Variants in AP3S2 observed in about 807,000 individuals in gnomAD.
The protein encoded by AP3S2 is AP-3 complex subunit sigma-2.
In AP3S2, 22 loss-of-function variants were observed where a neutral mutation model predicts 23.4. That is an observed-to-expected ratio of 0.94 (90% CI 0.67 to 1.34). AP3S2 has a LOEUF of 1.34. Ranked by LOEUF, AP3S2 falls within the 40% of genes most tolerant of loss-of-function variation. The probability of loss-of-function intolerance (pLI) is 0.00; values close to 1 mark genes in which losing one functional copy is unlikely to be tolerated. For missense variants in AP3S2, 241 were observed against 236.9 expected (o/e 1.02, Z -0.11); for synonymous variants, 86 against 87.1 (o/e 0.99, Z 0.07).
chr15:89,871,040 C>T (rs1346464040), intron 4 of AP3S2, among the ~76,000 whole-genome samples: 2 of 152,202 alleles, frequency 1.3e-5, no homozygotes, highest in Non-Finnish European at 2.9e-5. Flanking sequence ...CTCTTAGTCA[C>T]TATATTACTC....
intron 3 of AP3S2, among the ~76,000 whole-genome samples, chr15:89,874,348 C>T (rs1352328599): frequency 1.3e-5 from 2 of 152,234 alleles, no homozygotes; most frequent in South Asian, 2.1e-4. Context: ...GCTTCCCTAG[C>T]GAAATCTGTC....
intron 4 of AP3S2, among the ~76,000 whole-genome samples, chr15:89,843,217 C>T (rs1895375648): frequency 6.6e-6 from 1 of 151,842 alleles, no homozygotes; most frequent in Non-Finnish European, 1.5e-5. Flanking sequence ...CTCCCAAACT[C>T]AGGTGATCCG....
At chr15:89,877,393 C>T in intron 3 of AP3S2, 1 of 1,291,072 alleles carries the variant, frequency 7.7e-7, no homozygotes, top group Non-Finnish European at 1.0e-6. Context: ...TAGGGTGTTG[C>T]ACTGGCTTTT....
intron 4 of AP3S2, among the ~76,000 whole-genome samples, chr15:89,839,845 ATTC>A (rs770771200): frequency 6.6e-6 from 1 of 151,716 alleles, no homozygotes; most frequent in Non-Finnish European, 1.5e-5. Flanking sequence ...AAGGAAAAGA[ATTC>A]TTTTTTTTTT....
intron 4 of AP3S2, among the ~76,000 whole-genome samples, chr15:89,841,336 G>A (rs892096252): frequency 2.0e-5 from 3 of 152,148 alleles, no homozygotes; most frequent in African/African-American, 4.8e-5. Flanking sequence ...CCCCCAAACA[G>A]GTGAAAAAGC....
chr15:89,880,499 C>T (rs747333564), intron 3 of AP3S2, among the ~76,000 whole-genome samples: 5 of 151,834 alleles, frequency 3.3e-5, no homozygotes, highest in Non-Finnish European at 7.4e-5. Context: ...ATGGTGAAAC[C>T]CCCGACTCTA....
chr15:89,882,704 A>T (rs902193616), intron 3 of AP3S2, among the ~76,000 whole-genome samples: 2 of 152,194 alleles, frequency 1.3e-5, no homozygotes, highest in Non-Finnish European at 2.9e-5. Flanking sequence ...TAGTCACCTT[A>T]CAGAACTCTA....
intron 5 of AP3S2, among the ~76,000 whole-genome samples, chr15:89,837,396 C>T (rs1237652503): frequency 6.6e-6 from 1 of 152,196 alleles, no homozygotes; most frequent in Non-Finnish European, 1.5e-5. Flanking sequence ...TCTATTTGCT[C>T]TTCTACCCTG....
At chr15:89,877,019 A>C (rs1042677940) in intron 3 of AP3S2, 18 of 276,040 alleles carry the variant, frequency 6.5e-5, no homozygotes, top group South Asian at 6.4e-4. Context: ...AAGTCAAGGC[A>C]AGAAAAACTG....
intron 4 of AP3S2, among the ~76,000 whole-genome samples, chr15:89,855,900 C>T (rs564195622): frequency 3.8e-4 from 53 of 138,708 alleles, no homozygotes; most frequent in African/African-American, 1.3e-3. Flanking sequence ...TAAATGTCTG[C>T]ACCAATAATT....
At chr15:89,839,999 C>A (rs1213207458) in intron 4 of AP3S2, among the ~76,000 whole-genome samples, 1 of 152,010 alleles carries the variant, frequency 6.6e-6, no homozygotes, top group Non-Finnish European at 1.5e-5. Context: ...TGTGAGGTAC[C>A]CAGAGTAGTC....
chr15:89,892,953 C>A (rs1446591350), intron 1 of AP3S2: 1 of 152,218 alleles, frequency 6.6e-6, no homozygotes, highest in African/African-American at 2.4e-5. Context: ...CGTGAGCCAC[C>A]GCGCCCGGCC....
At chr15:89,885,200 T>C (rs1896666478) in intron 3 of AP3S2, among the ~76,000 whole-genome samples, 2 of 151,984 alleles carry the variant, frequency 1.3e-5, no homozygotes, top group South Asian at 4.2e-4. Context: ...TTTTTGTTCT[T>C]GTTTTTTTTT....
intron 3 of AP3S2, among the ~76,000 whole-genome samples, chr15:89,877,675 C>G (rs1005714000): frequency 6.6e-6 from 1 of 151,866 alleles, no homozygotes; most frequent in Non-Finnish European, 1.5e-5. Flanking sequence ...ATGGTGAAAA[C>G]CCCCAGCTAC....
At chr15:89,841,859 GA>G (rs1895337155) in intron 4 of AP3S2, among the ~76,000 whole-genome samples, 1 of 151,876 alleles carries the variant, frequency 6.6e-6, no homozygotes, top group Admixed American at 6.6e-5. Flanking sequence ...AATATACAAC[GA>G]GAAAAAATTA....
intron 5 of AP3S2, 114 bp downstream of exon 5, chr15:89,837,501 A>T: frequency 8.5e-7 from 1 of 1,182,598 alleles, no homozygotes; most frequent in Non-Finnish European, 1.2e-6. Flanking sequence ...AAGAAAGAAG[A>T]TGAGTATCAT....
rs1567178638 is a variant in AP3S2 at position 89,858,479 on chromosome 15, GAA to G, written c.345+12994_345+12995del. The stretch of plus-strand genomic sequence containing the variant: ...AAAAAGAAAGAAAGAAAGAAAGAAA[GAA>G]AGAAAGAAAGAAAGAGAGAGAGAGA... On this transcript the variant is annotated intron_variant, in intron 4 of 5. Coordinates refer to ENST00000336418, the MANE Select transcript of AP3S2 (RefSeq NM_005829.5). Among the ~76,000 whole-genome samples the G allele has an allele frequency of 1.0e-3, 33 of 31,796 alleles. No homozygotes were observed. In the Admixed American group the frequency reaches 0.011, roughly 11 times the overall value. 20.9% of individuals were successfully genotyped at this position (31,796 alleles called of 152,430 possible).
chr15:89,841,436 G>A (rs1895327577), intron 4 of AP3S2, among the ~76,000 whole-genome samples: 1 of 152,146 alleles, frequency 6.6e-6, no homozygotes, highest in Non-Finnish European at 1.5e-5. Flanking sequence ...AGGGAAGCTG[G>A]TGATCTCAGA....
intron 4 of AP3S2, among the ~76,000 whole-genome samples, chr15:89,866,052 A>T (rs1443490970): frequency 6.6e-6 from 1 of 152,120 alleles, no homozygotes; most frequent in South Asian, 2.1e-4. Flanking sequence ...ACCTGAGGTC[A>T]GGAGTTGGAG....
Sources: allele counts gnomAD v4.1 joint callset (sites outside exome capture counted in the v4.1 genomes callset), GRCh38; gene constraint gnomAD v4.1.1; transcripts MANE v1.5; gene names NCBI Gene and HGNC (gene_info 2026-07-23, HGNC 2026-07-21).